PARD6G: variants seen among roughly 807,000 people sequenced by gnomAD.
PARD6G encodes the protein partitioning defective 6 homolog gamma.
PARD6G carries 7 observed loss-of-function variants against 10.7 expected under a neutral mutation model. The observed-to-expected ratio is 0.66, with a 90% CI of 0.37 to 1.23. The LOEUF is 1.23. PARD6G is among the 50% of genes most tolerant of loss of function. The pLI, the probability that PARD6G is intolerant of heterozygous loss-of-function variation, is 0.02. For missense variants in PARD6G, 548 were observed against 571.8 expected (o/e 0.96, Z 0.42); for synonymous variants, 287 against 269.4 (o/e 1.07, Z -0.64).
At position 80,189,138 on chromosome 18, in the gene PARD6G, C is replaced by T. The variant is rs1194592839; in HGVS notation, c.295+13572G>A. ...CTACAGCAGTTACCAGAGAGCACAACTGTAATTGAAACAACCAGAAATAAC... is the reference window on the plus strand; with the variant it reads ...CTACAGCAGTTACCAGAGAGCACAATTGTAATTGAAACAACCAGAAATAAC... On this transcript the variant is annotated intron_variant, in intron 2 of 2. Transcript: ENST00000353265. This position sits in a 1 kb window ranked among gnomAD's most constrained non-coding sequence, Gnocchi z 5.5. 16 of 152,282 alleles carry T rather than the reference C, an allele frequency of 1.1e-4. No individual in the cohort carries two copies. Among genetic ancestry groups the T allele is most frequent in the Admixed American group, 8.5e-4 (13 of 15,282 alleles). 9.4% of individuals were successfully genotyped at this position (152,282 alleles called of 1,614,324 possible). A position where few individuals can be genotyped will look rare whatever the true frequency, so the allele number is the denominator to read the frequency against.
intron 1 of PARD6G, among the ~76,000 whole-genome samples, chr18:80,243,062 T>G (rs929259002): frequency 1.3e-5 from 2 of 152,212 alleles, no homozygotes; most frequent in Admixed American, 1.3e-4. Flanking sequence ...AGGAATTTGT[T>G]CTAAAGATCA....
At chr18:80,239,179 T>C (rs774241751) in intron 1 of PARD6G, among the ~76,000 whole-genome samples, 16 of 151,954 alleles carry the variant, frequency 1.1e-4, no homozygotes, top group African/African-American at 3.9e-4. Flanking sequence ...ACAGGAGAGC[T>C]CGTCCTTAGA....
At chr18:80,215,300 T>C (rs1967152272) in intron 1 of PARD6G, among the ~76,000 whole-genome samples, 1 of 152,188 alleles carries the variant, frequency 6.6e-6, no homozygotes, top group Non-Finnish European at 1.5e-5. Flanking sequence ...ATAACTTGAA[T>C]CTACAAGAAG....
At chr18:80,213,763 C>G (rs60151444) in intron 1 of PARD6G, among the ~76,000 whole-genome samples, 3 of 151,320 alleles carry the variant, frequency 2.0e-5, no homozygotes, top group Admixed American at 2.0e-4. Context: ...TCGAGACCAT[C>G]CTGGCTAACA....
chr18:80,238,525 T>C (rs957063282), intron 1 of PARD6G, among the ~76,000 whole-genome samples: 5 of 147,402 alleles, frequency 3.4e-5, no homozygotes, highest in African/African-American at 1.0e-4. Context: ...TAACCAAAAG[T>C]AAAAAAAATA....
intron 1 of PARD6G, among the ~76,000 whole-genome samples, chr18:80,212,325 T>G (rs1967117343): frequency 6.6e-6 from 1 of 152,188 alleles, no homozygotes; most frequent in African/African-American, 2.4e-5. Context: ...TGAACTGGAA[T>G]AAACAGGTTG....
At chr18:80,187,901 C>T (rs1054683231) in intron 2 of PARD6G, 1 of 152,182 alleles carries the variant, frequency 6.6e-6, no homozygotes, top group Non-Finnish European at 1.5e-5. Context: ...ACCCATACAT[C>T]GTGTTACTGT....
intron 1 of PARD6G, among the ~76,000 whole-genome samples, chr18:80,245,769 C>T (rs1412905053): frequency 3.3e-5 from 5 of 152,260 alleles, no homozygotes; most frequent in African/African-American, 1.2e-4. Flanking sequence ...TGCTTGTGGG[C>T]TCTTCCCCTC....
At chr18:80,167,429 G>T (rs1177149548) in intron 2 of PARD6G, among the ~76,000 whole-genome samples, 1 of 152,168 alleles carries the variant, frequency 6.6e-6, no homozygotes, top group Non-Finnish European at 1.5e-5. Flanking sequence ...CAGCAAGCTT[G>T]GAGCAGGTAC....
At chr18:80,191,339 G>A (rs1966894663) in intron 2 of PARD6G, among the ~76,000 whole-genome samples, 1 of 152,080 alleles carries the variant, frequency 6.6e-6, no homozygotes, top group Non-Finnish European at 1.5e-5. Context: ...ATGAGGCGAT[G>A]CCTTTGTAAA....
chr18:80,197,016 G>A (rs1300958983), intron 2 of PARD6G, among the ~76,000 whole-genome samples: 5 of 150,994 alleles, frequency 3.3e-5, no homozygotes, highest in East Asian at 2.0e-4. Context: ...CAAAGCCCAC[G>A]TTCTGTCTGT....
intron 1 of PARD6G, among the ~76,000 whole-genome samples, chr18:80,209,440 G>A (rs1251661041): frequency 6.6e-6 from 1 of 152,080 alleles, no homozygotes; most frequent in African/African-American, 2.4e-5. Flanking sequence ...TAAAAAACGG[G>A]GTTGGGGGAG....
chr18:80,166,765 C>T (rs1384155135), intron 2 of PARD6G, among the ~76,000 whole-genome samples: 1 of 151,644 alleles, frequency 6.6e-6, no homozygotes, highest in African/African-American at 2.4e-5. Context: ...GCATAGCCCT[C>T]CCTGCAGACC....
chr18:80,171,546 G>C (rs1382894146), intron 2 of PARD6G: 8 of 152,248 alleles, frequency 5.3e-5, no homozygotes, highest in Admixed American at 1.3e-4. Flanking sequence ...CAACTCAGTA[G>C]CTTTAGCGTG....
At chr18:80,198,331 G>A (rs117330532) in intron 2 of PARD6G, among the ~76,000 whole-genome samples, 2,349 of 152,300 alleles carry the variant, frequency 0.015, 34 homozygotes, top group Admixed American at 0.027. Context: ...AAGCACAGGG[G>A]ATTATAGAGG....
intron 2 of PARD6G, among the ~76,000 whole-genome samples, chr18:80,174,796 T>C (rs1452555675): frequency 6.6e-6 from 1 of 151,810 alleles, no homozygotes; most frequent in East Asian, 1.9e-4. Context: ...CTACTAAAAA[T>C]ACAAAAAATT....
Position 80,192,836 on chromosome 18 carries a change from G to C in PARD6G, c.295+9874C>G, listed in dbSNP as rs1053961793. 3.3e-5 allele frequency among the ~76,000 whole-genome samples: 5 copies of C among 152,210 alleles called. No individual in the cohort carries two copies. Among genetic ancestry groups the C allele is most frequent in the African/African-American group, 1.2e-4 (5 of 41,530 alleles). Reference sequence around the variant, plus strand: ...CCTGGCTCGCCGGCCGTGGGAGCTGGGCTGTCAGTCCTCCCCTCACTCCTG... The same window carrying C: ...CCTGGCTCGCCGGCCGTGGGAGCTGCGCTGTCAGTCCTCCCCTCACTCCTG... On this transcript the variant is annotated intron_variant, in intron 2 of 2. Coordinates refer to ENST00000353265, the MANE Select transcript of PARD6G (RefSeq NM_032510.4). The surrounding 1 kb of genome is among the most constrained non-coding windows in gnomAD (Gnocchi z 4.9).
intron 1 of PARD6G, among the ~76,000 whole-genome samples, chr18:80,206,263 T>G (rs1183202543): frequency 1.3e-5 from 2 of 152,208 alleles, no homozygotes; most frequent in Non-Finnish European, 1.5e-5. Flanking sequence ...AGCTCCAAAG[T>G]TTTGACAAAA....
At chr18:80,205,962 G>C (rs1426992286) in intron 1 of PARD6G, among the ~76,000 whole-genome samples, 1 of 152,166 alleles carries the variant, frequency 6.6e-6, no homozygotes, top group Non-Finnish European at 1.5e-5. Context: ...TCACCGCAAA[G>C]GGATACAGCT....
Sources: allele counts gnomAD v4.1 joint callset (sites outside exome capture counted in the v4.1 genomes callset), GRCh38; gene constraint gnomAD v4.1.1; non-coding constraint Gnocchi (gnomAD v3.1); transcripts MANE v1.5; gene names NCBI Gene and HGNC (gene_info 2026-07-23, HGNC 2026-07-21).